The following MSI2 variants were observed in gnomAD, a reference collection of about 807,000 sequenced individuals.
MSI2 encodes the protein RNA-binding protein Musashi homolog 2.
Under a neutral mutation model 45.6 loss-of-function variants are expected in MSI2, and 17 were observed. The ratio of observed to expected loss-of-function variants is 0.37; its 90% CI spans 0.26 to 0.56. The LOEUF (loss-of-function observed/expected upper bound fraction) is 0.56, where lower values mean the gene tolerates loss of function less well. MSI2 is among the 20% of genes least tolerant of loss of function. MSI2 has a pLI of 0.77. For missense variants in MSI2, 293 were observed against 444.2 expected (o/e 0.66, Z 3.06); for synonymous variants, 156 against 158.2 (o/e 0.99, Z 0.11).
At chr17:57,292,576 G>T (rs553338024) in intron 5 of MSI2, among the ~76,000 whole-genome samples, 9 of 150,112 alleles carry the variant, frequency 6.0e-5, no homozygotes, top group African/African-American at 1.7e-4. Flanking sequence ...AATGGAGGTT[G>T]GTGGGGGGTC....
At position 57,256,708 on chromosome 17, in the gene MSI2, GT is replaced by G; in HGVS notation, c.-29del. ...TCCGCTCCGATCGCTGTGGGGCTTG[GT>G]TTTTTGGGGGTGGGGGGGCGGGGGG... On this transcript the variant is annotated 5_prime_UTR_variant, in exon 1 of 14. Transcript: ENST00000284073. 1.1e-6 allele frequency: 1 copy of G among 893,392 alleles called. No homozygotes were observed. Among genetic ancestry groups the G allele is most frequent in the East Asian group, 9.8e-5 (1 of 10,204 alleles). 55.3% of individuals were successfully genotyped at this position (893,392 alleles called of 1,614,324 possible). A position where few individuals can be genotyped will look rare whatever the true frequency, so the allele number is the denominator to read the frequency against.
intron 6 of MSI2, among the ~76,000 whole-genome samples, chr17:57,494,815 T>C (rs1406387082): frequency 3.9e-5 from 6 of 151,984 alleles, no homozygotes; most frequent in East Asian, 1.9e-4. Flanking sequence ...GTGTGTCAGG[T>C]ACCATGCTGG....
intron 6 of MSI2, among the ~76,000 whole-genome samples, chr17:57,474,471 G>A (rs2085500094): frequency 6.6e-6 from 1 of 152,140 alleles, no homozygotes; most frequent in African/African-American, 2.4e-5. Context: ...CCTGTGCATT[G>A]TAGGAAGTTG....
the MSI2 span, among the ~76,000 whole-genome samples, chr17:57,693,666 T>C: frequency 3.3e-5 from 5 of 152,234 alleles, no homozygotes; most frequent in Admixed American, 6.5e-5. Context: ...TTACTTTAAG[T>C]TTCCTATGTG....
chr17:57,524,930 A>T (rs1317701233), intron 6 of MSI2, among the ~76,000 whole-genome samples: 1 of 152,222 alleles, frequency 6.6e-6, no homozygotes, highest in Non-Finnish European at 1.5e-5. Context: ...TCTCTGGGCC[A>T]GCAGCTGCAT....
chr17:57,387,073 G>T (rs947392863), intron 5 of MSI2, among the ~76,000 whole-genome samples: 3 of 152,318 alleles, frequency 2.0e-5, no homozygotes, highest in Non-Finnish European at 4.4e-5. Context: ...CCATGTTCCG[G>T]CTGACAGCTA....
intron 5 of MSI2, among the ~76,000 whole-genome samples, chr17:57,319,393 A>G (rs1435086623): frequency 6.6e-6 from 1 of 152,194 alleles, no homozygotes. Flanking sequence ...TGGAAACACC[A>G]TATTTCCTCA....
rs76160400 is a variant in MSI2 at position 57,425,112 on chromosome 17, C to T, written c.405+23641C>T. 8.0e-3 allele frequency among the ~76,000 whole-genome samples: 1,212 copies of T among 152,282 alleles called. 13 individuals carry two copies. Among genetic ancestry groups the T allele is most frequent in the African/African-American group, 0.028 (1,153 of 41,550 alleles). On this transcript the variant is annotated intron_variant, in intron 6 of 13. Transcript: ENST00000284073. ...TCCCAGGGTGGCGGAGTGCACTACT[C>T]TCACATTTAATCCTGCCCGGTATCC...
intron 8 of MSI2, among the ~76,000 whole-genome samples, chr17:57,597,213 C>A (rs971966431): frequency 5.3e-5 from 8 of 152,068 alleles, no homozygotes; most frequent in Non-Finnish European, 7.4e-5. Context: ...GGGTAGCGTC[C>A]ATAGGCAATG....
At chr17:57,268,473 G>A (rs1908024592) in intron 5 of MSI2, 1 of 151,554 alleles carries the variant, frequency 6.6e-6, no homozygotes, top group Non-Finnish European at 1.5e-5. Flanking sequence ...TTTGTTCTGA[G>A]TTTTATGGTA....
At chr17:57,693,834 T>C in the MSI2 span, among the ~76,000 whole-genome samples, 2 of 152,230 alleles carry the variant, frequency 1.3e-5, no homozygotes, top group East Asian at 3.8e-4. Flanking sequence ...GCATGCCTCT[T>C]TTTCTGCTAG....
chr17:57,258,276 C>A lies in MSI2; in HGVS notation c.192C>A (p.Phe64Leu). ...CCTCTTTGTCTCCTTTCAGAGGCTTCGGTTTCGTCACGTTCGCAGACCCAG... is the reference window on the plus strand; with the variant it reads ...CCTCTTTGTCTCCTTTCAGAGGCTTAGGTTTCGTCACGTTCGCAGACCCAG... ...RDPTTKRSRG[F>L]GFVTFADPAS... is the part of the protein sequence containing the mutation. Residue 64 changes from phenylalanine (F) to leucine (L), a missense_variant, in exon 4 of 14, where the codon TTC (phenylalanine) becomes TTA (leucine). Physicochemically the swap from Phe to Leu is conservative, Grantham distance 22 (BLOSUM62 0). Coordinates refer to ENST00000284073, the MANE Select transcript of MSI2 (RefSeq NM_138962.4). The A allele has an allele frequency of 6.2e-7, 1 of 1,614,046 alleles. No individual in the cohort carries two copies. Among genetic ancestry groups the A allele is most frequent in the Non-Finnish European group, 8.5e-7 (1 of 1,179,930 alleles).
At chr17:57,676,240 A>T (rs1425926464) in intron 12 of MSI2, among the ~76,000 whole-genome samples, 1 of 152,182 alleles carries the variant, frequency 6.6e-6, no homozygotes, top group African/African-American at 2.4e-5. Context: ...GCACGCATGC[A>T]TGCACACACG....
intron 5 of MSI2, among the ~76,000 whole-genome samples, chr17:57,321,958 G>A (rs1448399320): frequency 2.6e-5 from 4 of 151,974 alleles, no homozygotes; most frequent in Admixed American, 2.0e-4. Context: ...CACCATGCCC[G>A]GCTAGTTTTT....
intron 5 of MSI2, among the ~76,000 whole-genome samples, chr17:57,298,641 A>T (rs1421386919): frequency 6.6e-6 from 1 of 152,156 alleles, no homozygotes; most frequent in Non-Finnish European, 1.5e-5. Context: ...AGCCTGGGTG[A>T]CAGAGCAAGA....
downstream of MSI2, among the ~76,000 whole-genome samples, chr17:57,684,990 T>G (rs1913832406): frequency 6.6e-6 from 1 of 152,108 alleles, no homozygotes; most frequent in South Asian, 2.1e-4. Context: ...CCAAAGGTCC[T>G]GCGGATCAGA....
At chr17:57,599,840 C>G (rs1236073524) in intron 8 of MSI2, among the ~76,000 whole-genome samples, 1 of 152,176 alleles carries the variant, frequency 6.6e-6, no homozygotes, top group Non-Finnish European at 1.5e-5. Context: ...ATGATACTGC[C>G]TCATTGGGTT....
chr17:57,359,510 C>T (rs543446869), intron 5 of MSI2, among the ~76,000 whole-genome samples: 127 of 152,240 alleles, frequency 8.3e-4, no homozygotes, highest in African/African-American at 2.9e-3. Context: ...CCCAGTACTG[C>T]CTCCCTGCCA....
At chr17:57,454,679 C>G (rs2085080310) in intron 6 of MSI2, among the ~76,000 whole-genome samples, 1 of 152,140 alleles carries the variant, frequency 6.6e-6, no homozygotes, top group African/African-American at 2.4e-5. Flanking sequence ...TGGTGATCTA[C>G]CCACCTCGGC....
Sources: allele counts gnomAD v4.1 joint callset (sites outside exome capture counted in the v4.1 genomes callset), GRCh38; gene constraint gnomAD v4.1.1; transcripts MANE v1.5; gene names NCBI Gene and HGNC (gene_info 2026-07-23, HGNC 2026-07-21).